The following SCHIP1 variants were observed in gnomAD, a reference collection of about 807,000 sequenced individuals.
The protein encoded by SCHIP1 is schwannomin-interacting protein 1.
In SCHIP1, 8 loss-of-function variants were observed where a neutral mutation model predicts 29.7. The ratio of observed to expected loss-of-function variants is 0.27; its 90% confidence interval spans 0.16 to 0.49. The LOEUF is 0.49. Ranked by LOEUF, SCHIP1 falls within the 20% of genes least tolerant of loss-of-function variation. The pLI, the probability that SCHIP1 is intolerant of heterozygous loss-of-function variation, is 0.99. For missense variants in SCHIP1, 193 were observed against 294.6 expected, an observed-to-expected ratio of 0.66 and a Z score of 2.52; for synonymous variants, 76 against 94.9, an observed-to-expected ratio of 0.80 and a Z score of 1.16.
chr3:159,764,303 G>GCCCCGT, the SCHIP1 span: 1 of 1,021,798 alleles, frequency 9.8e-7, no homozygotes, highest in East Asian at 2.9e-5. This position sits in a 1 kb window ranked among gnomAD's most constrained non-coding sequence, Gnocchi z 6.1. Context: ...GCTGGCTCCC[G>GCCCCGT]CCCCCAGGCC....
the SCHIP1 span, among the ~76,000 whole-genome samples, chr3:159,711,942 T>TTGCTGCTGCTGC: frequency 6.6e-5 from 10 of 151,414 alleles, no homozygotes; most frequent in South Asian, 2.1e-4. Context: ...TAGGAAGATA[T>TTGCTGCTGCTGC]TGCTGCTGCT....
At chr3:159,544,113 C>A in the SCHIP1 span, among the ~76,000 whole-genome samples, 1 of 151,940 alleles carries the variant, frequency 6.6e-6, no homozygotes, top group Non-Finnish European at 1.5e-5. Flanking sequence ...ACTTCTATCA[C>A]AATAGATTAG....
At chr3:159,845,969 T>G (rs1004427244) in intron 1 of SCHIP1, 11 of 152,140 alleles carry the variant, frequency 7.2e-5, no homozygotes, top group African/African-American at 2.7e-4. Context: ...GTGCCAGAAT[T>G]GGGGGTGCAG....
the SCHIP1 span, chr3:159,765,238 C>G: frequency 4.7e-5 from 63 of 1,351,494 alleles, no homozygotes; most frequent in African/African-American, 8.0e-4. Flanking sequence ...GCCCGCGGCC[C>G]CATTCATTCT....
chr3:159,445,770 G>A, the SCHIP1 span, among the ~76,000 whole-genome samples: 48 of 149,122 alleles, frequency 3.2e-4, no homozygotes, highest in African/African-American at 8.9e-4. Context: ...GTAAACTATC[G>A]CAAGGACAAA....
At chr3:159,619,144 C>T in the SCHIP1 span, among the ~76,000 whole-genome samples, 1 of 152,180 alleles carries the variant, frequency 6.6e-6, no homozygotes, top group African/African-American at 2.4e-5. Context: ...ATAAAGTTTC[C>T]ATCAGCATTT....
the SCHIP1 span, among the ~76,000 whole-genome samples, chr3:159,437,996 G>C: frequency 1.3e-5 from 2 of 152,142 alleles, no homozygotes; most frequent in African/African-American, 4.8e-5. Context: ...ATGGGGGATA[G>C]TAATAGTACT....
chr3:159,394,365 G>A, the SCHIP1 span, among the ~76,000 whole-genome samples: 1 of 152,038 alleles, frequency 6.6e-6, no homozygotes, highest in Non-Finnish European at 1.5e-5. Flanking sequence ...AATAGGAGTG[G>A]TGAGAGAGGG....
At chr3:159,368,726 G>GAGAT in the SCHIP1 span, among the ~76,000 whole-genome samples, 32,719 of 151,956 alleles carry the variant, frequency 0.22, 3,649 homozygotes, top group Middle Eastern at 0.3. Flanking sequence ...GGCATGGTGA[G>GAGAT]AGATAGGGGT....
the SCHIP1 span, among the ~76,000 whole-genome samples, chr3:159,391,829 G>T: frequency 6.6e-6 from 1 of 152,172 alleles, no homozygotes; most frequent in Non-Finnish European, 1.5e-5. Flanking sequence ...AGCATCTGAG[G>T]CTTGGAGTTT....
chr3:159,395,208 C>CT, the SCHIP1 span, among the ~76,000 whole-genome samples: 1 of 151,978 alleles, frequency 6.6e-6, no homozygotes, highest in Non-Finnish European at 1.5e-5. Flanking sequence ...ATTCTTCTCT[C>CT]TTTTTTTCTT....
At chr3:159,672,593 T>C in the SCHIP1 span, among the ~76,000 whole-genome samples, 1 of 152,198 alleles carries the variant, frequency 6.6e-6, no homozygotes, top group Non-Finnish European at 1.5e-5. Context: ...TCATACTTGA[T>C]GGGTATTCTA....
the SCHIP1 span, among the ~76,000 whole-genome samples, chr3:159,569,040 C>A: frequency 1.3e-5 from 2 of 152,126 alleles, no homozygotes; most frequent in Admixed American, 6.6e-5. Flanking sequence ...CCAACAAAAG[C>A]TTCCTTATGG....
the SCHIP1 span, chr3:159,274,710 T>C: frequency 1.2e-6 from 1 of 820,872 alleles, no homozygotes; most frequent in African/African-American, 1.9e-5. Context: ...GATTAGCTAT[T>C]CAAATTTTTT....
At chr3:159,293,951 A>C in the SCHIP1 span, among the ~76,000 whole-genome samples, 370 of 152,320 alleles carry the variant, frequency 2.4e-3, 2 homozygotes, top group Middle Eastern at 6.8e-3. Flanking sequence ...CTAGAAATCC[A>C]GGCCAGATAC....
chr3:159,805,003 A>T, the SCHIP1 span, among the ~76,000 whole-genome samples: 4 of 152,166 alleles, frequency 2.6e-5, no homozygotes, highest in African/African-American at 4.8e-5. Flanking sequence ...TTTCCCAGTC[A>T]TCCTCAGCAG....
At chr3:159,509,109 C>G in the SCHIP1 span, among the ~76,000 whole-genome samples, 3 of 152,170 alleles carry the variant, frequency 2.0e-5, no homozygotes, top group African/African-American at 7.2e-5. Context: ...GTCTAAGTCT[C>G]TTTGTAGGTC....
the SCHIP1 span, among the ~76,000 whole-genome samples, chr3:159,752,417 C>T: frequency 4.6e-5 from 7 of 151,798 alleles, no homozygotes; most frequent in Admixed American, 4.6e-4. Context: ...CTCTTTTATT[C>T]ACTGTACTAG....
the SCHIP1 span, among the ~76,000 whole-genome samples, chr3:159,307,700 T>A: frequency 2.0e-5 from 3 of 152,216 alleles, no homozygotes; most frequent in South Asian, 2.1e-4. Flanking sequence ...ATTTTTATAG[T>A]TTGAGGTCTT....
Sources: allele counts gnomAD v4.1 joint callset (sites outside exome capture counted in the v4.1 genomes callset), GRCh38; gene constraint gnomAD v4.1.1; non-coding constraint Gnocchi (gnomAD v3.1); transcripts MANE v1.5; gene names NCBI Gene and HGNC (gene_info 2026-07-23, HGNC 2026-07-21).